Variants in CHLSN observed in about 807,000 individuals in gnomAD.
CHLSN encodes protein cholesin.
At chr7:1,017,211 A>T in the CHLSN span, among the ~76,000 whole-genome samples, 1 of 152,338 alleles carries the variant, frequency 6.6e-6, no homozygotes, top group South Asian at 2.1e-4. Flanking sequence ...GCCGTGCTGC[A>T]TCAAAGAATG....
the CHLSN span, among the ~76,000 whole-genome samples, chr7:979,114 G>A: frequency 1.8e-4 from 27 of 152,342 alleles, no homozygotes; most frequent in African/African-American, 5.8e-4. Flanking sequence ...CCTCCACTGT[G>A]ACCACAAGTG....
the CHLSN span, among the ~76,000 whole-genome samples, chr7:1,072,912 G>A: frequency 6.6e-6 from 1 of 151,984 alleles, no homozygotes; most frequent in African/African-American, 2.4e-5. Context: ...TTGAACTCCT[G>A]GCCTCAAGTG....
chr7:988,585 C>G, the CHLSN span: 1 of 1,599,176 alleles, frequency 6.3e-7, no homozygotes, highest in Non-Finnish European at 8.5e-7. Context: ...CCCCTCCCCT[C>G]CAGGAGCAGG....
the CHLSN span, among the ~76,000 whole-genome samples, chr7:1,001,704 G>GT: frequency 8.9e-6 from 1 of 111,748 alleles, no homozygotes; most frequent in Non-Finnish European, 1.8e-5. Flanking sequence ...CCTGCGGGTG[G>GT]GGAGTCCTGT....
the CHLSN span, chr7:1,024,953 G>C: frequency 1.3e-5 from 2 of 152,298 alleles, no homozygotes; most frequent in African/African-American, 4.8e-5. Context: ...GGCGCTGGGG[G>C]AGCAGGTGCG....
At chr7:979,309 CA>C in the CHLSN span, among the ~76,000 whole-genome samples, 1 of 152,302 alleles carries the variant, frequency 6.6e-6, no homozygotes, top group Non-Finnish European at 1.5e-5. Flanking sequence ...TGCACCTGCT[CA>C]GGGGGTACCT....
At chr7:1,053,452 G>A in the CHLSN span, among the ~76,000 whole-genome samples, 3 of 152,244 alleles carry the variant, frequency 2.0e-5, no homozygotes, top group Non-Finnish European at 2.9e-5. Flanking sequence ...GACCAGGAGA[G>A]GTGGGAACAC....
At chr7:1,017,127 C>G in the CHLSN span, among the ~76,000 whole-genome samples, 3 of 152,222 alleles carry the variant, frequency 2.0e-5, no homozygotes, top group African/African-American at 7.2e-5. Flanking sequence ...GCCACGCGGG[C>G]CCAGAGCACC....
the CHLSN span, among the ~76,000 whole-genome samples, chr7:1,059,500 C>CGTAGTGGGGCGGGTCT: frequency 8.2e-6 from 1 of 121,874 alleles, no homozygotes; most frequent in East Asian, 2.1e-4. Context: ...GGGGCGGGTC[C>CGTAGTGGGGCGGGTCT]GTAGTGGGGC....
the CHLSN span, among the ~76,000 whole-genome samples, chr7:1,097,054 G>C: frequency 6.6e-6 from 1 of 152,228 alleles, no homozygotes; most frequent in East Asian, 1.9e-4. This position sits in a 1 kb window ranked among gnomAD's most constrained non-coding sequence, Gnocchi z 4.3. Flanking sequence ...GCAGGCGAGG[G>C]GAGCCCATGG....
At chr7:1,128,485 A>G in the CHLSN span, among the ~76,000 whole-genome samples, 3 of 13,166 alleles carry the variant, frequency 2.3e-4, no homozygotes, top group African/African-American at 1.4e-3. Context: ...GCAGTGGCAC[A>G]ATCTCGGCTC....
At chr7:1,030,102 G>T in the CHLSN span, among the ~76,000 whole-genome samples, 1 of 152,192 alleles carries the variant, frequency 6.6e-6, no homozygotes, top group African/African-American at 2.4e-5. Context: ...GAGCCCCAGT[G>T]GCCTTGTGTG....
At chr7:995,634 C>T in the CHLSN span, among the ~76,000 whole-genome samples, 24 of 152,366 alleles carry the variant, frequency 1.6e-4, no homozygotes, top group African/African-American at 5.3e-4. Context: ...GGGCTGAACA[C>T]GGACCCTTCC....
At chr7:1,020,846 C>G in the CHLSN span, among the ~76,000 whole-genome samples, 1 of 152,226 alleles carries the variant, frequency 6.6e-6, no homozygotes, top group Non-Finnish European at 1.5e-5. Context: ...GGGTCAGGAC[C>G]CCTCGACTTT....
At chr7:978,617 A>G in the CHLSN span, among the ~76,000 whole-genome samples, 31 of 152,356 alleles carry the variant, frequency 2.0e-4, no homozygotes, top group African/African-American at 7.2e-4. Context: ...CAGAGCCTGG[A>G]GCAGTGCCTG....
At chr7:1,033,792 G>A in the CHLSN span, among the ~76,000 whole-genome samples, 4 of 151,668 alleles carry the variant, frequency 2.6e-5, no homozygotes, top group African/African-American at 9.7e-5. Flanking sequence ...CCAGGAAATC[G>A]GTAATGGGGG....
At chr7:1,053,876 CTG>C in the CHLSN span, among the ~76,000 whole-genome samples, 2 of 152,226 alleles carry the variant, frequency 1.3e-5, no homozygotes, top group African/African-American at 4.8e-5. Flanking sequence ...GCTCACTTCT[CTG>C]GGAGCCATGG....
At chr7:1,066,037 G>A in the CHLSN span, among the ~76,000 whole-genome samples, 1 of 152,212 alleles carries the variant, frequency 6.6e-6, no homozygotes, top group Non-Finnish European at 1.5e-5. Flanking sequence ...GCCCTGCGCG[G>A]CCGGCACGGA....
chr7:1,102,552 C>T, the CHLSN span, among the ~76,000 whole-genome samples: 2 of 151,944 alleles, frequency 1.3e-5, no homozygotes, highest in Non-Finnish European at 2.9e-5. Flanking sequence ...AAACCATGCC[C>T]ACCTTCCATT....
Sources: allele counts gnomAD v4.1 joint callset (sites outside exome capture counted in the v4.1 genomes callset), GRCh38; gene constraint gnomAD v4.1.1; non-coding constraint Gnocchi (gnomAD v3.1); transcripts MANE v1.5; gene names NCBI Gene and HGNC (gene_info 2026-07-23, HGNC 2026-07-21).